The following SLCO5A1 variants were observed in gnomAD, a reference collection of about 807,000 sequenced individuals.
SLCO5A1 encodes solute carrier organic anion transporter family member 5A1, also known as organic anion transporter polypeptide-related protein 4.
Under a neutral mutation model 65.1 loss-of-function variants are expected in SLCO5A1, and 39 were observed. The observed-to-expected ratio is 0.60, with a 90% CI of 0.46 to 0.78. The LOEUF (loss-of-function observed/expected upper bound fraction) is 0.78, where lower values mean the gene tolerates loss of function less well. Among genes scored for constraint, SLCO5A1 ranks in the 30% least tolerant of loss-of-function variants. The pLI, the probability that SLCO5A1 is intolerant of heterozygous loss-of-function variation, is 0.00. For synonymous variants in SLCO5A1, 438 were observed against 415.7 expected, an observed-to-expected ratio of 1.05 and a Z score of -0.65; for missense variants, 1,029 against 1,069.4, an observed-to-expected ratio of 0.96 and a Z score of 0.53.
chr8:69,819,246 T>C (rs1280843517), intron 2 of SLCO5A1, among the ~76,000 whole-genome samples: 1 of 151,876 alleles, frequency 6.6e-6, no homozygotes, highest in East Asian at 1.9e-4. Flanking sequence ...CAGCTCCTCT[T>C]TTTTGCCTCT....
intron 2 of SLCO5A1, among the ~76,000 whole-genome samples, chr8:69,796,851 A>G (rs1819521028): frequency 6.6e-6 from 1 of 152,182 alleles, no homozygotes; most frequent in Admixed American, 6.5e-5. Context: ...AAAGTTCCAC[A>G]GATTCCTAGA....
chr8:69,815,389 C>G (rs1820362206), intron 2 of SLCO5A1, among the ~76,000 whole-genome samples: 3 of 152,094 alleles, frequency 2.0e-5, no homozygotes, highest in Non-Finnish European at 1.5e-5. Context: ...AGACCTCCAC[C>G]TATGAAACCA....
chr8:69,677,571 C>T (rs1813600707), intron 8 of SLCO5A1, among the ~76,000 whole-genome samples: 1 of 152,098 alleles, frequency 6.6e-6, no homozygotes, highest in Non-Finnish European at 1.5e-5. Context: ...GTCACCTTTT[C>T]CCCAATTTCT....
chr8:69,758,593 C>T (rs1789010096), intron 3 of SLCO5A1, among the ~76,000 whole-genome samples: 1 of 152,002 alleles, frequency 6.6e-6, no homozygotes, highest in South Asian at 2.1e-4. Context: ...AGTGAAGGTG[C>T]ATAACAGGAA....
intron 2 of SLCO5A1, among the ~76,000 whole-genome samples, chr8:69,800,391 C>A (rs1464468066): frequency 6.6e-6 from 1 of 151,732 alleles, no homozygotes; most frequent in East Asian, 1.9e-4. Context: ...TAGCATACTG[C>A]CTCTTGCATG....
chr8:69,772,627 AGG>A (rs1344522550), intron 2 of SLCO5A1, among the ~76,000 whole-genome samples: 4 of 150,574 alleles, frequency 2.7e-5, no homozygotes, highest in African/African-American at 4.9e-5. Flanking sequence ...AGGAAAGGAA[AGG>A]AAAGGAAAGG....
At chr8:69,785,882 G>A (rs1819025771) in intron 2 of SLCO5A1, among the ~76,000 whole-genome samples, 1 of 152,132 alleles carries the variant, frequency 6.6e-6, no homozygotes, top group Non-Finnish European at 1.5e-5. Flanking sequence ...TCAACACCAA[G>A]TCCTAATCTT....
chr8:69,723,582 A>G (rs1815929712), intron 5 of SLCO5A1, among the ~76,000 whole-genome samples: 1 of 152,038 alleles, frequency 6.6e-6, no homozygotes, highest in Non-Finnish European at 1.5e-5. Flanking sequence ...ATCAAAATTC[A>G]CTTATCCTTT....
At chr8:69,708,721 T>A (rs1047605756) in intron 5 of SLCO5A1, among the ~76,000 whole-genome samples, 18 of 152,024 alleles carry the variant, frequency 1.2e-4, no homozygotes, top group African/African-American at 4.3e-4. Flanking sequence ...CTGATCAACA[T>A]GGAGAAACCC....
chr8:69,825,108 G>C (rs1466690703), intron 2 of SLCO5A1, among the ~76,000 whole-genome samples: 1 of 152,146 alleles, frequency 6.6e-6, no homozygotes, highest in Non-Finnish European at 1.5e-5. Context: ...CAAAAAATTA[G>C]GTATTGATGG....
chr8:69,745,143 T>C (rs1004539017), intron 4 of SLCO5A1, among the ~76,000 whole-genome samples: 1 of 152,200 alleles, frequency 6.6e-6, no homozygotes, highest in Non-Finnish European at 1.5e-5. Context: ...ATGCATAGCA[T>C]AATCTGACAT....
chr8:69,817,618 C>T (rs903077962), intron 2 of SLCO5A1, among the ~76,000 whole-genome samples: 2 of 152,144 alleles, frequency 1.3e-5, no homozygotes, highest in Non-Finnish European at 1.5e-5. Context: ...TCCTTGCCTG[C>T]CAAATTATCA....
intron 5 of SLCO5A1, among the ~76,000 whole-genome samples, chr8:69,710,560 G>C (rs1424701471): frequency 2.2e-4 from 33 of 152,048 alleles, no homozygotes; most frequent in Non-Finnish European, 4.4e-5. Flanking sequence ...ACGTATACAT[G>C]CTATCAATGT....
At chr8:69,757,294 T>A (rs185819061) in intron 3 of SLCO5A1, among the ~76,000 whole-genome samples, 248 of 152,282 alleles carry the variant, frequency 1.6e-3, no homozygotes, top group African/African-American at 5.5e-3. Flanking sequence ...ACCAGCCCAG[T>A]GCCTGACACA....
intron 2 of SLCO5A1, among the ~76,000 whole-genome samples, chr8:69,827,367 A>C (rs1274472939): frequency 1.3e-5 from 2 of 152,130 alleles, no homozygotes; most frequent in African/African-American, 4.8e-5. Flanking sequence ...ATACCTACAA[A>C]GCTTTCTCTA....
At position 69,804,885 on chromosome 8, in the gene SLCO5A1, G is replaced by A. The variant is rs527793836; in HGVS notation, c.907+26882C>T. On this transcript the variant is annotated intron_variant, in intron 2 of 9. Transcript: ENST00000260126. The stretch of plus-strand genomic sequence containing the variant: ...GAGTTTCTCACCCAACCTGCAGGCC[G>A]GGCTCCTGCCAGAGAAACCTTGACA... Among the ~76,000 whole-genome samples the A allele has an allele frequency of 9.9e-5, 15 of 152,218 alleles. 1 individual carries two copies. The South Asian group carries it at 2.7e-3, about 27-fold the overall frequency.
chr8:69,677,483 T>C (rs1813597290), intron 8 of SLCO5A1, among the ~76,000 whole-genome samples: 1 of 152,260 alleles, frequency 6.6e-6, no homozygotes, highest in Admixed American at 6.5e-5. Context: ...TTTTTAATGC[T>C]GCAGTACCTT....
At chr8:69,729,446 CAAAAAAA>C (rs56392223) in intron 5 of SLCO5A1, among the ~76,000 whole-genome samples, 151 of 80,538 alleles carry the variant, frequency 1.9e-3, no homozygotes, top group African/African-American at 7.2e-3. Flanking sequence ...TCCGTCCCAA[CAAAAAAA>C]AAAAAAAAAA....
intron 2 of SLCO5A1, among the ~76,000 whole-genome samples, chr8:69,829,923 T>C (rs1214390808): frequency 6.6e-6 from 1 of 152,192 alleles, no homozygotes; most frequent in Non-Finnish European, 1.5e-5. Context: ...CACAGGTTGA[T>C]AAAGCAAGCA....
Sources: gnomAD v4.1 joint callset for allele counts (sites outside exome capture counted in the v4.1 genomes callset) on GRCh38, gnomAD v4.1.1 for gene constraint, MANE v1.5 for transcripts, NCBI Gene and HGNC (gene_info 2026-07-23, HGNC 2026-07-21) for gene names.